Variants in DCC observed in about 807,000 individuals in gnomAD.
The protein encoded by DCC is DCC netrin 1 receptor.
A neutral mutation model predicts 172.5 loss-of-function variants in DCC; 58 were observed. The observed-to-expected ratio is 0.34, with a 90% CI of 0.27 to 0.42. DCC has a LOEUF of 0.42. Ranked by LOEUF, DCC falls within the 10% of genes least tolerant of loss-of-function variation. The pLI is 1.00. For synonymous variants in DCC, 709 were observed against 644.5 expected (o/e 1.10, Z -1.52); for missense variants, 1,740 against 1,791.0 (o/e 0.97, Z 0.51).
chr18:52,477,435 G>A (rs888921148), intron 1 of DCC, among the ~76,000 whole-genome samples: 2 of 152,168 alleles, frequency 1.3e-5, no homozygotes, highest in Admixed American at 1.3e-4. Context: ...AAGGTAACCA[G>A]TGTGAAAATT....
chr18:53,232,503 T>G (rs1401939128), intron 12 of DCC, among the ~76,000 whole-genome samples: 1 of 152,182 alleles, frequency 6.6e-6, no homozygotes, highest in Admixed American at 6.5e-5. Flanking sequence ...TCTTTCATTC[T>G]CTTCATGCCA....
At chr18:53,005,712 A>G (rs886121002) in intron 5 of DCC, among the ~76,000 whole-genome samples, 2 of 152,206 alleles carry the variant, frequency 1.3e-5, no homozygotes, top group Non-Finnish European at 2.9e-5. Flanking sequence ...TGGGTGACAG[A>G]GTGAGATTCT....
chr18:53,500,081 T>C (rs1405216808), intron 27 of DCC, among the ~76,000 whole-genome samples: 1 of 152,170 alleles, frequency 6.6e-6, no homozygotes. Flanking sequence ...AAGTAAAATA[T>C]CTATGGTCCT....
intron 9 of DCC, among the ~76,000 whole-genome samples, chr18:53,202,381 A>T (rs2055552074): frequency 6.6e-6 from 1 of 152,182 alleles, no homozygotes; most frequent in African/African-American, 2.4e-5. Context: ...TATAGATTAT[A>T]AAAAGGAATC....
intron 27 of DCC, among the ~76,000 whole-genome samples, chr18:53,505,928 A>G (rs2046169006): frequency 6.6e-6 from 1 of 152,228 alleles, no homozygotes; most frequent in Non-Finnish European, 1.5e-5. Flanking sequence ...GTTGTTTTGA[A>G]ATATTTTGAA....
intron 5 of DCC, among the ~76,000 whole-genome samples, chr18:52,954,621 A>G (rs535011774): frequency 6.6e-6 from 1 of 152,216 alleles, no homozygotes; most frequent in African/African-American, 2.4e-5. Flanking sequence ...TACAAGGCAG[A>G]TTAATAGCCC....
intron 5 of DCC, among the ~76,000 whole-genome samples, chr18:52,981,384 C>A (rs1464361513): frequency 6.6e-6 from 1 of 151,974 alleles, no homozygotes; most frequent in African/African-American, 2.4e-5. Context: ...ATATTTAATT[C>A]AGTTCCTGCA....
intron 12 of DCC, among the ~76,000 whole-genome samples, chr18:53,244,960 A>G (rs990392464): frequency 5.9e-5 from 9 of 152,156 alleles, no homozygotes; most frequent in Non-Finnish European, 1.0e-4. Context: ...AAACATTTTA[A>G]TATTCTCAAT....
chr18:53,406,375 T>C (rs1312528982), intron 19 of DCC, among the ~76,000 whole-genome samples: 1 of 150,596 alleles, frequency 6.6e-6, no homozygotes, highest in African/African-American at 2.4e-5. Flanking sequence ...TGGAAAAGTG[T>C]CTATAGTAGA....
At chr18:52,618,908 G>A (rs1454667920) in intron 1 of DCC, among the ~76,000 whole-genome samples, 1 of 151,952 alleles carries the variant, frequency 6.6e-6, no homozygotes, top group Non-Finnish European at 1.5e-5. Flanking sequence ...TTAACTCTAA[G>A]TTTTTAGACT....
intron 21 of DCC, among the ~76,000 whole-genome samples, chr18:53,432,837 C>CAAAATT (rs1911709597): frequency 6.6e-6 from 1 of 151,802 alleles, no homozygotes. Flanking sequence ...TAACATCACT[C>CAAAATT]AAAATTAAAA....
At chr18:53,229,765 G>GA (rs142802427) in intron 12 of DCC, among the ~76,000 whole-genome samples, 608 of 149,974 alleles carry the variant, frequency 4.1e-3, no homozygotes, top group Non-Finnish European at 5.7e-3. Flanking sequence ...GACACCACAG[G>GA]AAAAAAAAAT....
At chr18:52,985,966 C>A (rs1295366804) in intron 5 of DCC, among the ~76,000 whole-genome samples, 1 of 152,092 alleles carries the variant, frequency 6.6e-6, no homozygotes, top group African/African-American at 2.4e-5. Context: ...ATCTTAATGC[C>A]TTTTAGGGTT....
chr18:52,584,216 G>C (rs1459562969), intron 1 of DCC, among the ~76,000 whole-genome samples: 2 of 152,190 alleles, frequency 1.3e-5, no homozygotes, highest in East Asian at 3.8e-4. Flanking sequence ...TACCAGGAAA[G>C]GACAAGGAAG....
intron 13 of DCC, among the ~76,000 whole-genome samples, chr18:53,320,070 CTTT>C (rs35150045): frequency 4.6e-5 from 5 of 109,584 alleles, no homozygotes; most frequent in African/African-American, 1.4e-4. Context: ...CGCAAGAGTA[CTTT>C]TTTTTTTTTT....
At chr18:53,222,664 G>A (rs1706506850) in intron 12 of DCC, among the ~76,000 whole-genome samples, 1 of 146,280 alleles carries the variant, frequency 6.8e-6, no homozygotes, top group South Asian at 2.1e-4. Context: ...AAGATTACAG[G>A]CGTGAACCAC....
chr18:53,099,939 C>CTTTTTT lies in DCC; in HGVS notation c.1261+33776_1261+33777insTTTTTT, dbSNP rs200213348. Among the ~76,000 whole-genome samples, 731 of 86,984 alleles carry CTTTTTT rather than the reference C, an allele frequency of 8.4e-3. 83 individuals are homozygous for CTTTTTT. Among genetic ancestry groups the CTTTTTT allele is most frequent in the African/African-American group, 0.024 (456 of 18,724 alleles). 57.1% of individuals were successfully genotyped at this position (86,984 alleles called of 152,430 possible). On this transcript the variant is annotated intron_variant, in intron 7 of 28. Transcript: ENST00000442544. ...AAGAGACTTTTCTTTTCTTTTCTTT[C>CTTTTTT]TTTCTTTTTTTTTTTTTTTTTGTTT... is the stretch of plus-strand genomic sequence containing the variant.
intron 19 of DCC, among the ~76,000 whole-genome samples, chr18:53,405,581 C>T (rs185032380): frequency 7.2e-5 from 11 of 152,002 alleles, no homozygotes; most frequent in African/African-American, 1.9e-4. Flanking sequence ...GAATCCAGAT[C>T]ATCAGTTTTT....
chr18:52,351,870 G>A (rs903570747), intron 1 of DCC, among the ~76,000 whole-genome samples: 1 of 152,080 alleles, frequency 6.6e-6, no homozygotes, highest in Non-Finnish European at 1.5e-5. Flanking sequence ...AAGTCATTGA[G>A]CTTGTAACCT....
Sources: gnomAD v4.1 joint callset for allele counts (sites outside exome capture counted in the v4.1 genomes callset) on GRCh38, gnomAD v4.1.1 for gene constraint, MANE v1.5 for transcripts, NCBI Gene and HGNC (gene_info 2026-07-23, HGNC 2026-07-21) for gene names.